Variants in SYT14 observed in about 807,000 individuals in gnomAD.
SYT14 encodes synaptotagmin 14, also known as synaptotagmin-14.
A neutral mutation model predicts 74.2 loss-of-function variants in SYT14; 32 were observed. The ratio of observed to expected loss-of-function variants is 0.43; its 90% CI spans 0.33 to 0.58. SYT14 has a LOEUF of 0.58. Among genes scored for constraint, SYT14 ranks in the 20% least tolerant of loss-of-function variants. The probability of loss-of-function intolerance (pLI) is 0.05; values close to 1 mark genes in which losing one functional copy is unlikely to be tolerated. For synonymous variants in SYT14, 298 were observed against 337.7 expected, an observed-to-expected ratio of 0.88 and a Z score of 1.29; for missense variants, 791 against 981.8, an observed-to-expected ratio of 0.81 and a Z score of 2.60.
chr1:210,038,994 T>C (rs1398036456), intron 5 of SYT14, among the ~76,000 whole-genome samples: 2 of 152,142 alleles, frequency 1.3e-5, no homozygotes, highest in African/African-American at 2.4e-5. Context: ...TATCCTCAAA[T>C]AGATTTTCCA....
chr1:210,055,826 T>C (rs1467484004), intron 5 of SYT14, among the ~76,000 whole-genome samples: 1 of 152,016 alleles, frequency 6.6e-6, no homozygotes, highest in Non-Finnish European at 1.5e-5. Context: ...TAATTTGTTA[T>C]AGTTATTGGT....
At position 210,046,289 on chromosome 1, in the gene SYT14, G is replaced by A. The variant is rs138691180; in HGVS notation, c.1312+25035G>A. 7.4e-3 allele frequency among the ~76,000 whole-genome samples: 1,128 copies of A among 152,198 alleles called. 17 individuals carry two copies. The highest frequency in any genetic ancestry group is 0.026 in the African/African-American group (1,073 of 41,528). ...CTTGGGAGGCTGAGGCAGGAGAATC[G>A]CTTGAACCCAGGATGTGGAGGTTGC... On this transcript the variant is annotated intron_variant, in intron 5 of 9. Coordinates refer to ENST00000637265, the Ensembl canonical transcript of SYT14.
In SYT14 at chr1:210,023,984, C is replaced by T. The variant is rs543418616; in HGVS notation, c.1312+2730C>T. The stretch of plus-strand genomic sequence containing the variant: ...CATTTATACACATACTATCTGTATA[C>T]ATTAATCAAGGTTTTTAAGCAGGAG... On this transcript the variant is annotated intron_variant, in intron 5 of 9. Transcript: ENST00000637265. Among the ~76,000 whole-genome samples the T allele has an allele frequency of 3.9e-5, 6 of 152,136 alleles. No individual in the cohort carries two copies. In the South Asian group the frequency reaches 1.2e-3, roughly 32 times the overall value.
At chr1:210,132,567 TTGTGTG>T (rs3031264) in intron 7 of SYT14, among the ~76,000 whole-genome samples, 38 of 145,080 alleles carry the variant, frequency 2.6e-4, no homozygotes, top group African/African-American at 4.4e-4. Context: ...ATTTTATATA[TTGTGTG>T]TGTGTGTGTG....
At chr1:210,113,828 G>T (rs181106863) in intron 7 of SYT14, among the ~76,000 whole-genome samples, 1 of 151,342 alleles carries the variant, frequency 6.6e-6, no homozygotes, top group East Asian at 1.9e-4. Flanking sequence ...AAAAAGGAGC[G>T]CATAAAAGAA....
At chr1:210,072,054 A>G (rs1558168746) in intron 5 of SYT14, among the ~76,000 whole-genome samples, 2 of 151,578 alleles carry the variant, frequency 1.3e-5, no homozygotes, top group Non-Finnish European at 3.0e-5. Context: ...CTTTTTAAAA[A>G]TAACTCATTT....
chr1:210,026,812 C>T (rs2080424061), intron 5 of SYT14, among the ~76,000 whole-genome samples: 1 of 150,830 alleles, frequency 6.6e-6, no homozygotes, highest in Non-Finnish European at 1.5e-5. Context: ...GTTTATATTT[C>T]CTTTAAGTCC....
intron 2 of SYT14, among the ~76,000 whole-genome samples, chr1:209,980,268 T>C (rs1558107903): frequency 2.0e-5 from 3 of 152,204 alleles, no homozygotes; most frequent in Admixed American, 6.5e-5. Flanking sequence ...TTTTGAGAAG[T>C]GTCTGTTCAT....
At chr1:210,043,962 G>A (rs2080841254) in intron 5 of SYT14, among the ~76,000 whole-genome samples, 2 of 151,992 alleles carry the variant, frequency 1.3e-5, no homozygotes, top group Admixed American at 1.3e-4. Context: ...GGCATGGAGT[G>A]TATTTTTTCA....
In SYT14 at chr1:209,954,375, C is replaced by T. The variant is rs190919470; in HGVS notation, c.-486+1619C>T. 7.6e-4 allele frequency among the ~76,000 whole-genome samples: 116 copies of T among 151,994 alleles called. 1 individual carries two copies. Among genetic ancestry groups the T allele is most frequent in the African/African-American group, 2.6e-3 (109 of 41,472 alleles). Reference sequence around the variant, plus strand: ...CGGGTAGTTCTCAAAGTATGCTTTGCCCAGATTTCTCTATATTAGTCTAGC... The same window carrying T: ...CGGGTAGTTCTCAAAGTATGCTTTGTCCAGATTTCTCTATATTAGTCTAGC... On this transcript the variant is annotated intron_variant, in intron 2 of 9. Coordinates refer to ENST00000637265, the Ensembl canonical transcript of SYT14.
At chr1:210,000,472 A>G (rs1213747865) in intron 2 of SYT14, among the ~76,000 whole-genome samples, 23 of 148,548 alleles carry the variant, frequency 1.5e-4, no homozygotes, top group Non-Finnish European at 2.2e-4. Context: ...ATACGCACAC[A>G]CACACACACA....
chr1:210,047,677 G>A (rs918846178), intron 5 of SYT14, among the ~76,000 whole-genome samples: 41 of 152,260 alleles, frequency 2.7e-4, no homozygotes, highest in African/African-American at 9.1e-4. Flanking sequence ...GATTACAGGC[G>A]TGAGCCACCG....
At chr1:210,106,453 A>G (rs2082159344) in intron 7 of SYT14, among the ~76,000 whole-genome samples, 1 of 152,196 alleles carries the variant, frequency 6.6e-6, no homozygotes, top group African/African-American at 2.4e-5. Context: ...TGGGTAATTT[A>G]TAAAGGAAAG....
chr1:210,019,904 T>C (rs2080267356), intron 4 of SYT14, among the ~76,000 whole-genome samples: 1 of 152,178 alleles, frequency 6.6e-6, no homozygotes, highest in Admixed American at 6.5e-5. Flanking sequence ...TGGTAATAAC[T>C]AGTGCTTTTT....
intron 5 of SYT14, among the ~76,000 whole-genome samples, chr1:210,022,497 CT>C (rs780207959): frequency 1.1e-4 from 17 of 152,298 alleles, no homozygotes; most frequent in South Asian, 1.0e-3. Flanking sequence ...ATGTACACCC[CT>C]GGTACATGAA....
intron 1 of SYT14, among the ~76,000 whole-genome samples, chr1:209,950,894 A>C (rs1362671395): frequency 6.6e-6 from 1 of 152,194 alleles, no homozygotes; most frequent in Non-Finnish European, 1.5e-5. Flanking sequence ...TCATACATAT[A>C]TGGTACACTA....
At chr1:209,990,549 G>GTATATATATATATACATATATATACGTA in intron 2 of SYT14, among the ~76,000 whole-genome samples, 4 of 56,900 alleles carry the variant, frequency 7.0e-5, no homozygotes, top group South Asian at 9.6e-4. Context: ...GTATATATAT[G>GTATATATATATATACATATATATACGTA]TATATATATA....
intron 5 of SYT14, among the ~76,000 whole-genome samples, chr1:210,034,829 T>C (rs1283829851): frequency 6.6e-6 from 1 of 151,910 alleles, no homozygotes; most frequent in Non-Finnish European, 1.5e-5. Context: ...GGCTGAGTAG[T>C]ATTCCCTGGT....
intron 5 of SYT14, among the ~76,000 whole-genome samples, chr1:210,060,395 A>G (rs912559225): frequency 3.1e-5 from 3 of 97,564 alleles, no homozygotes. Flanking sequence ...CAAAAAATAA[A>G]CTGGTATGCG....
Sources: allele counts gnomAD v4.1 joint callset (sites outside exome capture counted in the v4.1 genomes callset), GRCh38; gene constraint gnomAD v4.1.1; transcripts MANE v1.5; gene names NCBI Gene and HGNC (gene_info 2026-07-23, HGNC 2026-07-21).